The following LMO7 variants were observed in gnomAD, a reference collection of about 807,000 sequenced individuals.
The protein encoded by LMO7 is LIM domain only protein 7.
Under a neutral mutation model 206.5 loss-of-function variants are expected in LMO7, and 120 were observed. That is an observed-to-expected ratio of 0.58 (90% confidence interval 0.50 to 0.68). The LOEUF is 0.68. LMO7 is among the 30% of genes least tolerant of loss of function. The pLI is 0.00. For missense variants in LMO7, 1,959 were observed against 1,957.9 expected (o/e 1.00, Z -0.01); for synonymous variants, 706 against 681.5 (o/e 1.04, Z -0.56).
At position 75,827,254 on chromosome 13, in the gene LMO7, G is replaced by T. The variant is rs1190614686; in HGVS notation, c.2949+3381G>T. 3.9e-5 allele frequency among the ~76,000 whole-genome samples: 6 copies of T among 152,142 alleles called. 1 individual carries two copies. The highest frequency in any genetic ancestry group is 3.9e-4 in the Admixed American group (6 of 15,270). On this transcript the variant is annotated intron_variant, in intron 15 of 30. Coordinates refer to ENST00000377534, the MANE Select transcript of LMO7 (RefSeq NM_001306080.2). ...TGGCAGGTAATTTAAAGTCCTTATT[G>T]GTGCTTTAGTGTGTGGGAATTTTAA... is the stretch of plus-strand genomic sequence containing the variant.
chr13:75,848,278 A>G, intron 26 of LMO7, among the ~76,000 whole-genome samples: 1 of 152,098 alleles, frequency 6.6e-6, no homozygotes, highest in East Asian at 1.9e-4. Context: ...TTGCATCCTC[A>G]TAGCCTAGTT....
At chr13:75,657,092 C>A (rs764466554) in intron 1 of LMO7, among the ~76,000 whole-genome samples, 3 of 152,068 alleles carry the variant, frequency 2.0e-5, no homozygotes, top group Non-Finnish European at 4.4e-5. Context: ...GGGATGAAGG[C>A]CGTGGGAAGA....
rs745409800 is a variant in LMO7, at chr13:75,833,157, T to C, written c.3056T>C (p.Val1019Ala). Residue 1019 changes from valine (V) to alanine (A), a missense_variant, in exon 16 of 31, where the codon GTT becomes GCT. Coordinates refer to ENST00000377534, the MANE Select transcript of LMO7 (RefSeq NM_001306080.2). ...WDIPGIFVASVEAGSPAEFSQ... is the reference protein window; with the variant it reads ...WDIPGIFVASAEAGSPAEFSQ... ...ATTCCTGGGATCTTCGTAGCATCAG[T>C]TGAAGCAGGTAAATTATGTGTTTAG... is the stretch of plus-strand genomic sequence containing the variant. 6.4e-6 allele frequency: 10 copies of C among 1,556,114 alleles called. No homozygotes were observed. The highest frequency in any genetic ancestry group is 2.2e-5 in the South Asian group (2 of 89,892).
At chr13:75,728,709 A>G (rs9573639) in intron 3 of LMO7, among the ~76,000 whole-genome samples, 45,618 of 110,630 alleles carry the variant, frequency 0.41, 10,531 homozygotes, top group African/African-American at 0.61. Flanking sequence ...CCATGCCTAT[A>G]TCCTGAATGG....
At position 75,835,269 on chromosome 13, in the gene LMO7, G is replaced by C. The variant is rs2139004834; in HGVS notation, c.3263G>C (p.Gly1088Ala). Residue 1088 changes from glycine (G) to alanine (A), a missense_variant, in exon 18 of 31, where the codon GGA becomes GCA. Physicochemically the swap from Gly to Ala is moderately conservative, Grantham distance 60. Transcript: ENST00000377534. ...ACAAAGTGGATTGATGCAACTTCTG[G>C]AATTTACAACTCAGAAAAATCTTCA... Reference protein sequence around the residue: ...PETKWIDATSGIYNSEKSSNL... With the variant: ...PETKWIDATSAIYNSEKSSNL... 6.2e-7 allele frequency: 1 copy of C among 1,611,228 alleles called. No homozygotes were observed. The highest frequency in any genetic ancestry group is 1.3e-5 in the African/African-American group (1 of 74,802).
chr13:75,804,539 A>G lies in LMO7; in HGVS notation c.912A>G (p.Ser304=), dbSNP rs372787222. 2.5e-6 allele frequency: 4 copies of G among 1,613,544 alleles called. No homozygotes were observed. The highest frequency in any genetic ancestry group is 1.3e-5 in the African/African-American group (1 of 74,858). The change falls in exon 8 of 31, where the codon TCA becomes TCG. Residue 304 remains serine, a splice_region_variant and synonymous_variant. Coordinates refer to ENST00000377534, the MANE Select transcript of LMO7 (RefSeq NM_001306080.2). ...ATACAGAAGCAGATGGAACATTTTC[A>G]AGGTACTGAGATGGGTGTGATTATT... ...PVYTEADGTF[S]SNQRRIWGTN... is the part of the protein sequence containing the mutation.
chr13:75,857,750 C>T, intron 30 of LMO7, 171 bp from the exon 31 acceptor site: 1 of 412,350 alleles, frequency 2.4e-6, no homozygotes, highest in Admixed American at 4.3e-5. Context: ...ATAAAGAATT[C>T]CAGAGACGAG....
intron 3 of LMO7, among the ~76,000 whole-genome samples, chr13:75,750,494 G>C (rs1019076700): frequency 6.7e-6 from 1 of 148,934 alleles, no homozygotes; most frequent in African/African-American, 2.5e-5. Flanking sequence ...AGCTCAAGCT[G>C]TACTCCCACT....
chr13:75,798,597 G>T (rs1197714402), intron 6 of LMO7, among the ~76,000 whole-genome samples: 5 of 152,174 alleles, frequency 3.3e-5, no homozygotes, highest in African/African-American at 7.2e-5. Flanking sequence ...ATAAACTGGG[G>T]GTAGCTGTTA....
chr13:75,715,138 A>G (rs911242997), intron 2 of LMO7, among the ~76,000 whole-genome samples: 1 of 152,198 alleles, frequency 6.6e-6, no homozygotes, highest in African/African-American at 2.4e-5. Flanking sequence ...ATCATTAAAC[A>G]TGTTTGAGAA....
intron 4 of LMO7, among the ~76,000 whole-genome samples, chr13:75,775,237 T>G (rs1487367836): frequency 6.6e-6 from 1 of 152,062 alleles, no homozygotes; most frequent in East Asian, 1.9e-4. Flanking sequence ...TAAATGTTGC[T>G]GGGAAAACTG....
rs563433882 is a variant in LMO7, at chr13:75,712,832, C to T, written c.70-350C>T. Among the ~76,000 whole-genome samples the T allele has an allele frequency of 3.9e-5, 6 of 152,184 alleles. No individual in the cohort carries two copies. In the East Asian group the frequency reaches 7.7e-4, roughly 20 times the overall value. On this transcript the variant is annotated intron_variant, in intron 1 of 30. Transcript: ENST00000377534. Reference sequence around the variant, plus strand: ...GTTTCTATCTTATACTGTTTTTATTCATTCTTAGTAGAATAGATCACCCAT... The same window carrying T: ...GTTTCTATCTTATACTGTTTTTATTTATTCTTAGTAGAATAGATCACCCAT...
At chr13:75,664,750 T>G (rs1481756248) in intron 1 of LMO7, among the ~76,000 whole-genome samples, 1 of 152,246 alleles carries the variant, frequency 6.6e-6, no homozygotes, top group African/African-American at 2.4e-5. Flanking sequence ...GATCTCTCCT[T>G]GTAGTTTTGT....
intron 3 of LMO7, among the ~76,000 whole-genome samples, chr13:75,751,989 G>A (rs1229521430): frequency 2.0e-5 from 3 of 152,100 alleles, no homozygotes; most frequent in Non-Finnish European, 4.4e-5. Flanking sequence ...CTAGGGTGTT[G>A]TAGTACATTT....
intron 1 of LMO7, among the ~76,000 whole-genome samples, chr13:75,674,109 A>G (rs2039820221): frequency 6.6e-6 from 1 of 152,256 alleles, no homozygotes; most frequent in African/African-American, 2.4e-5. Context: ...ATAAATTTGA[A>G]TACATGACTT....
At position 75,859,134 on chromosome 13, in the gene LMO7, T is replaced by G. The variant is rs2061151614; in HGVS notation, c.*1191T>G. The G allele has an allele frequency of 6.6e-6, 1 of 152,188 alleles. No homozygotes were observed. The highest frequency in any genetic ancestry group is 6.5e-5 in the Admixed American group (1 of 15,282). The allele number at this position is 152,188 out of a possible 1,614,324, so 9.4% of individuals were successfully genotyped here. Reference sequence around the variant, plus strand: ...ACTTTAGCATGCTTTGAGCAAAAATTTAAACTTACTGGAATCTTTTATAAT... The same window carrying G: ...ACTTTAGCATGCTTTGAGCAAAAATGTAAACTTACTGGAATCTTTTATAAT... On this transcript the variant is annotated 3_prime_UTR_variant, in exon 31 of 31. Transcript: ENST00000377534.
intron 1 of LMO7, among the ~76,000 whole-genome samples, chr13:75,658,883 C>G (rs1473193826): frequency 6.6e-6 from 1 of 152,162 alleles, no homozygotes; most frequent in East Asian, 1.9e-4. Context: ...GCCACCACAC[C>G]CAGCTTTCAG....
chr13:75,796,631 TTA>T lies in LMO7; in HGVS notation c.349-4_349-3del. On this transcript the variant is annotated splice_polypyrimidine_tract_variant and splice_region_variant and intron_variant, in intron 5 of 30. Coordinates refer to ENST00000377534, the MANE Select transcript of LMO7 (RefSeq NM_001306080.2). ...TTGTTGTTCATGGATTTTTTTTTTT[TTA>T]AGGTTTTGATAACATTGTACTGGCT... is the stretch of plus-strand genomic sequence containing the variant. 6.3e-7 allele frequency: 1 copy of T among 1,582,972 alleles called. No homozygotes were observed. The highest frequency in any genetic ancestry group is 8.6e-7 in the Non-Finnish European group (1 of 1,156,666).
intron 9 of LMO7, chr13:75,806,975 G>C (rs370841022): frequency 6.4e-6 from 1 of 155,894 alleles, no homozygotes; most frequent in Non-Finnish European, 1.4e-5. Flanking sequence ...ACAAAAATTA[G>C]CCAGGCATGA....
Sources: gnomAD v4.1 joint callset for allele counts (sites outside exome capture counted in the v4.1 genomes callset) on GRCh38, gnomAD v4.1.1 for gene constraint, MANE v1.5 for transcripts, NCBI Gene and HGNC (gene_info 2026-07-23, HGNC 2026-07-21) for gene names.